Variants in PRRX1 observed in about 807,000 individuals in gnomAD.
The protein encoded by PRRX1 is paired related homeobox 1.
In PRRX1, 8 loss-of-function variants were observed where a neutral mutation model predicts 24.0. The observed-to-expected ratio is 0.33, with a 90% CI of 0.20 to 0.60. The LOEUF (loss-of-function observed/expected upper bound fraction) is 0.60. Ranked by LOEUF, PRRX1 falls within the 20% of genes least tolerant of loss-of-function variation. The pLI is 0.82. For missense variants in PRRX1, 281 were observed against 322.4 expected, an observed-to-expected ratio of 0.87 and a Z score of 0.98; for synonymous variants, 160 against 131.7, an observed-to-expected ratio of 1.22 and a Z score of -1.47.
At chr1:170,712,774 G>A (rs1056092217) in intron 1 of PRRX1, among the ~76,000 whole-genome samples, 4 of 152,192 alleles carry the variant, frequency 2.6e-5, no homozygotes, top group African/African-American at 9.6e-5. Flanking sequence ...CTAGTCAGTG[G>A]CAGGATCTGT....
At chr1:170,710,632 A>G (rs1318675097) in intron 1 of PRRX1, among the ~76,000 whole-genome samples, 2 of 152,204 alleles carry the variant, frequency 1.3e-5, no homozygotes, top group African/African-American at 4.8e-5. Context: ...TTGAATCCGT[A>G]ACCCCCAGTG....
chr1:170,682,085 G>A (rs906853630), intron 1 of PRRX1, among the ~76,000 whole-genome samples: 1 of 152,184 alleles, frequency 6.6e-6, no homozygotes, highest in African/African-American at 2.4e-5. Context: ...GAACTGTAGT[G>A]TAAATGGAAG....
At chr1:170,690,788 G>GT (rs780274028) in intron 1 of PRRX1, among the ~76,000 whole-genome samples, 2 of 152,072 alleles carry the variant, frequency 1.3e-5, no homozygotes, top group Non-Finnish European at 2.9e-5. Flanking sequence ...TCTGGGAAAG[G>GT]TATCAGTAAA....
chr1:170,673,644 C>T (rs757146900), intron 1 of PRRX1, among the ~76,000 whole-genome samples: 41 of 152,240 alleles, frequency 2.7e-4, no homozygotes, highest in Admixed American at 1.6e-3. Flanking sequence ...ATATCACAAA[C>T]GTGCTTCGAC....
chr1:170,736,172 C>T lies in PRRX1; in HGVS notation c.724C>T (p.Pro242Ser), dbSNP rs201359953. 203 of 1,613,928 alleles carry T rather than the reference C, an allele frequency of 1.3e-4. 1 individual carries two copies. Among genetic ancestry groups the T allele is most frequent in the Middle Eastern group, 1.2e-3 (7 of 6,084 alleles). ...ATATAGTTTACAGAGGAACCAGGTG[C>T]CAACAGTCAACTGAGGAAAAAAAAT... Reference protein sequence around the residue: ...KEYSLQRNQVPTVN With the variant: ...KEYSLQRNQVSTVN Residue 242 changes from proline (P) to serine (S), a missense_variant, in exon 4 of 4, where the codon CCA becomes TCA. Pro to Ser is a moderately conservative substitution (Grantham distance 74). Transcript: ENST00000239461.
At chr1:170,675,897 A>C (rs1463732466) in intron 1 of PRRX1, among the ~76,000 whole-genome samples, 8 of 152,158 alleles carry the variant, frequency 5.3e-5, no homozygotes. Flanking sequence ...GAAAGGGAGA[A>C]GAGAGAGAGT....
At chr1:170,690,958 A>G (rs546657331) in intron 1 of PRRX1, among the ~76,000 whole-genome samples, 1 of 152,284 alleles carries the variant, frequency 6.6e-6, no homozygotes, top group South Asian at 2.1e-4. Context: ...GCTTGATTCC[A>G]AAGAGAAGGT....
intron 1 of PRRX1, among the ~76,000 whole-genome samples, chr1:170,707,927 T>C (rs913575757): frequency 6.6e-6 from 1 of 152,222 alleles, no homozygotes; most frequent in African/African-American, 2.4e-5. Flanking sequence ...AATTGTCATG[T>C]AAGTCATATT....
At chr1:170,703,325 A>T (rs994432870) in intron 1 of PRRX1, among the ~76,000 whole-genome samples, 1 of 151,848 alleles carries the variant, frequency 6.6e-6, no homozygotes, top group Non-Finnish European at 1.5e-5. Context: ...CTGGGCCTGG[A>T]TGATCAGCTC....
intron 1 of PRRX1, chr1:170,668,356 C>G (rs1166853352): frequency 6.6e-6 from 1 of 152,190 alleles, no homozygotes; most frequent in East Asian, 1.9e-4. Context: ...CGTTTCCAAC[C>G]TCTAAATTAG....
chr1:170,722,890 A>G (rs191520188), intron 2 of PRRX1, among the ~76,000 whole-genome samples: 1 of 152,286 alleles, frequency 6.6e-6, no homozygotes, highest in East Asian at 1.9e-4. Context: ...ATTTTTAGGT[A>G]GGAAAGGGCC....
chr1:170,717,877 G>C (rs894301936), intron 1 of PRRX1, among the ~76,000 whole-genome samples: 1 of 152,332 alleles, frequency 6.6e-6, no homozygotes, highest in Non-Finnish European at 1.5e-5. Flanking sequence ...GGTATAATCA[G>C]TGATGTTGGT....
intron 1 of PRRX1, chr1:170,667,541 G>A (rs980589616): frequency 3.3e-5 from 5 of 152,192 alleles, no homozygotes; most frequent in African/African-American, 7.2e-5. Flanking sequence ...GCTGTTGTGA[G>A]CTACTTGGAA....
chr1:170,671,128 G>T (rs931497284), intron 1 of PRRX1, among the ~76,000 whole-genome samples: 2 of 152,194 alleles, frequency 1.3e-5, no homozygotes, highest in African/African-American at 4.8e-5. Context: ...GCAAGGGCAG[G>T]CTCTACTCCT....
intron 1 of PRRX1, among the ~76,000 whole-genome samples, chr1:170,709,261 A>G (rs1654668968): frequency 6.6e-6 from 1 of 152,218 alleles, no homozygotes; most frequent in Non-Finnish European, 1.5e-5. Context: ...GAGACTTAGG[A>G]AAGGAGAAGG....
chr1:170,679,466 T>C (rs1406537696), intron 1 of PRRX1, among the ~76,000 whole-genome samples: 10 of 152,204 alleles, frequency 6.6e-5, no homozygotes, highest in Middle Eastern at 3.4e-3. Context: ...GTGGCACAAT[T>C]TCGGCTCACT....
chr1:170,738,668 T>C lies in PRRX1; in HGVS notation c.*2482T>C, dbSNP rs1655701171. 1 of 228,706 alleles carries C rather than the reference T, an allele frequency of 4.4e-6. No homozygotes were observed. Among genetic ancestry groups the C allele is most frequent in the Admixed American group, 5.7e-5 (1 of 17,652 alleles). The allele number at this position is 228,706 out of a possible 1,614,324, so 14.2% of individuals were successfully genotyped here. A position where few individuals can be genotyped will look rare whatever the true frequency, so the allele number is the denominator to read the frequency against. Reference sequence around the variant, plus strand: ...AGAATGGCTAAGAAGATTTGAATTATAGGGAGGGAACAGAAATCATACATG... The same window carrying C: ...AGAATGGCTAAGAAGATTTGAATTACAGGGAGGGAACAGAAATCATACATG... On this transcript the variant is annotated 3_prime_UTR_variant, in exon 4 of 4. Coordinates refer to ENST00000239461, the MANE Select transcript of PRRX1 (RefSeq NM_022716.4).
chr1:170,699,352 GA>G (rs1558053130), intron 1 of PRRX1, among the ~76,000 whole-genome samples: 1 of 151,784 alleles, frequency 6.6e-6, no homozygotes, highest in African/African-American at 2.4e-5. Flanking sequence ...AACCCTTTCA[GA>G]GGGGCAAATG....
chr1:170,721,487 G>C (rs562806463), intron 2 of PRRX1, among the ~76,000 whole-genome samples: 1 of 152,116 alleles, frequency 6.6e-6, no homozygotes, highest in African/African-American at 2.4e-5. Context: ...AGAGATCCTA[G>C]TGCTCCCTTC....
Sources: gnomAD v4.1 joint callset for allele counts (sites outside exome capture counted in the v4.1 genomes callset) on GRCh38, gnomAD v4.1.1 for gene constraint, MANE v1.5 for transcripts, NCBI Gene and HGNC (gene_info 2026-07-23, HGNC 2026-07-21) for gene names.